Variants in PTPRG observed in about 807,000 individuals in gnomAD.
The protein encoded by PTPRG is protein tyrosine phosphatase receptor type G, also known as receptor-type tyrosine-protein phosphatase gamma.
PTPRG carries 102 observed loss-of-function variants against 165.3 expected under a neutral mutation model. The observed-to-expected ratio is 0.62, with a 90% CI of 0.53 to 0.73. PTPRG has a LOEUF of 0.73. Ranked by LOEUF, PTPRG falls within the 30% of genes least tolerant of loss-of-function variation. The pLI is 0.00. For missense variants in PTPRG, 1,866 were observed against 1,861.4 expected (o/e 1.00, Z -0.05); for synonymous variants, 675 against 669.5 (o/e 1.01, Z -0.13).
chr3:61,771,101 G>A (rs2034193961), intron 2 of PTPRG: 1 of 152,154 alleles, frequency 6.6e-6, no homozygotes, highest in Non-Finnish European at 1.5e-5. Flanking sequence ...GGTGAGGAGA[G>A]TTGAGCTCAA....
chr3:61,654,479 G>T (rs569629285), intron 1 of PTPRG, among the ~76,000 whole-genome samples: 14 of 152,126 alleles, frequency 9.2e-5, no homozygotes, highest in African/African-American at 3.4e-4. Context: ...CCGCCTCCCA[G>T]GCTCAAGCAA....
chr3:61,576,377 C>T (rs1280247965), intron 1 of PTPRG, among the ~76,000 whole-genome samples: 2 of 152,172 alleles, frequency 1.3e-5, no homozygotes, highest in Non-Finnish European at 2.9e-5. Context: ...GGGCCAGTCA[C>T]ACCCCCTAGG....
Position 62,176,237 on chromosome 3 carries a change from T to C in PTPRG, c.1033+8074T>C, listed in dbSNP as rs112103255. ...GGACTTTGGAGGAGAGCTTTGGAGA[T>C]TTACTAACAGTTTGGATGGAGGGGT... is the stretch of plus-strand genomic sequence containing the variant. On this transcript the variant is annotated intron_variant, in intron 8 of 29. Coordinates refer to ENST00000474889, the MANE Select transcript of PTPRG (RefSeq NM_002841.4). Among the ~76,000 whole-genome samples the C allele has an allele frequency of 6.8e-4, 104 of 152,106 alleles. 3 individuals carry two copies. The highest frequency in any genetic ancestry group is 2.4e-3 in the African/African-American group (99 of 41,486).
At position 62,238,591 on chromosome 3, in the gene PTPRG, T is replaced by C. The variant is rs375477809; in HGVS notation, c.2376-5216T>C. Among the ~76,000 whole-genome samples, 22 of 152,262 alleles carry C rather than the reference T, an allele frequency of 1.4e-4. 2 individuals are homozygous for C. The highest frequency in any genetic ancestry group is 4.1e-4 in the African/African-American group (17 of 41,544). On this transcript the variant is annotated intron_variant, in intron 14 of 29. Coordinates refer to ENST00000474889, the MANE Select transcript of PTPRG (RefSeq NM_002841.4). ...GTGGTTCATAATTGGACACAGTACA[T>C]ACCAGAATCCCTAGAGGGAGTCTTC...
At chr3:61,797,581 A>ACCCCCCCCCCCCCCC (rs10541580) in intron 2 of PTPRG, among the ~76,000 whole-genome samples, 2 of 127,374 alleles carry the variant, frequency 1.6e-5, no homozygotes, top group Admixed American at 8.1e-5. Flanking sequence ...TTATCTCCAC[A>ACCCCCCCCCCCCCCC]CCCCCCCCCA....
At chr3:62,053,391 C>T (rs1489743448) in intron 4 of PTPRG, among the ~76,000 whole-genome samples, 3 of 151,814 alleles carry the variant, frequency 2.0e-5, no homozygotes, top group East Asian at 1.9e-4. Context: ...CTCAGCCTCC[C>T]GAGTAGCTGG....
At chr3:62,108,093 T>G (rs1702536337) in intron 5 of PTPRG, among the ~76,000 whole-genome samples, 2 of 152,050 alleles carry the variant, frequency 1.3e-5, no homozygotes, top group Non-Finnish European at 1.5e-5. Flanking sequence ...ATGTGCAGAA[T>G]GTGCAGGTTT....
At chr3:61,868,742 G>A (rs1324064265) in intron 2 of PTPRG, among the ~76,000 whole-genome samples, 3 of 152,152 alleles carry the variant, frequency 2.0e-5, no homozygotes, top group Non-Finnish European at 4.4e-5. Flanking sequence ...GTGGTCAAAT[G>A]CTGTTTCTTA....
At chr3:62,034,194 A>T (rs113619439) in intron 4 of PTPRG, among the ~76,000 whole-genome samples, 2 of 152,340 alleles carry the variant, frequency 1.3e-5, no homozygotes, top group African/African-American at 4.8e-5. Flanking sequence ...CAAGTATACA[A>T]AGAGTCAGTC....
chr3:61,746,246 T>C (rs2033201479), intron 1 of PTPRG, among the ~76,000 whole-genome samples: 1 of 130,978 alleles, frequency 7.6e-6, no homozygotes, highest in Non-Finnish European at 1.6e-5. Flanking sequence ...TGAGACAGAA[T>C]CTCGCTGTGT....
At chr3:61,961,928 C>T (rs1489311709) in intron 2 of PTPRG, among the ~76,000 whole-genome samples, 3 of 152,186 alleles carry the variant, frequency 2.0e-5, no homozygotes, top group African/African-American at 7.2e-5. Context: ...TCAGACACAG[C>T]TCGGGCTCTG....
At chr3:62,109,055 C>T (rs955970298) in intron 5 of PTPRG, among the ~76,000 whole-genome samples, 1 of 152,002 alleles carries the variant, frequency 6.6e-6, no homozygotes, top group Non-Finnish European at 1.5e-5. Context: ...TTAATTAGAT[C>T]CCATTTGTCA....
At chr3:61,738,306 A>ACG (rs2032826839) in intron 1 of PTPRG, among the ~76,000 whole-genome samples, 1 of 78,828 alleles carries the variant, frequency 1.3e-5, no homozygotes, top group South Asian at 4.6e-4. Context: ...ATATATATAT[A>ACG]TATATACATA....
chr3:61,982,907 T>C (rs1458541409), intron 2 of PTPRG, among the ~76,000 whole-genome samples: 2 of 152,208 alleles, frequency 1.3e-5, no homozygotes, highest in African/African-American at 4.8e-5. Context: ...CTGATATTAC[T>C]TCTGGTATTA....
intron 2 of PTPRG, among the ~76,000 whole-genome samples, chr3:61,824,695 G>A (rs1575695423): frequency 6.6e-6 from 1 of 152,304 alleles, no homozygotes; most frequent in Middle Eastern, 3.4e-3. Flanking sequence ...AGAGGCTGAA[G>A]CAGGAGGATC....
intron 2 of PTPRG, among the ~76,000 whole-genome samples, chr3:61,830,522 G>T: frequency 6.7e-6 from 1 of 148,820 alleles, no homozygotes. Flanking sequence ...TTGAATCTTC[G>T]ACTTACGACT....
chr3:61,757,786 C>G (rs967103297), intron 2 of PTPRG, among the ~76,000 whole-genome samples: 1 of 152,050 alleles, frequency 6.6e-6, no homozygotes, highest in Non-Finnish European at 1.5e-5. Flanking sequence ...AGTCAAACAT[C>G]TTTTTTCTTG....
At chr3:62,018,780 G>A (rs932894928) in intron 4 of PTPRG, among the ~76,000 whole-genome samples, 1 of 152,184 alleles carries the variant, frequency 6.6e-6, no homozygotes, top group African/African-American at 2.4e-5. Context: ...CCACATCCCG[G>A]GGAAGCAGGA....
At chr3:62,256,412 A>G (rs1403465928) in intron 16 of PTPRG, among the ~76,000 whole-genome samples, 2 of 152,188 alleles carry the variant, frequency 1.3e-5, no homozygotes, top group Non-Finnish European at 2.9e-5. Context: ...TTTGAGCAGA[A>G]TGAAAACAAA....
Sources: allele counts gnomAD v4.1 joint callset (sites outside exome capture counted in the v4.1 genomes callset), GRCh38; gene constraint gnomAD v4.1.1; transcripts MANE v1.5; gene names NCBI Gene and HGNC (gene_info 2026-07-23, HGNC 2026-07-21).